Variants in ARHGEF4 observed in about 807,000 individuals in gnomAD.
The protein encoded by ARHGEF4 is Rho guanine nucleotide exchange factor 4, also known as APC-stimulated guanine nucleotide exchange factor 1.
A neutral mutation model predicts 162.0 loss-of-function variants in ARHGEF4; 119 were observed. That is an observed-to-expected ratio of 0.73 (90% CI 0.63 to 0.86). ARHGEF4 has a LOEUF of 0.86. Ranked by LOEUF, ARHGEF4 falls within the 40% of genes least tolerant of loss-of-function variation. The pLI, the probability that ARHGEF4 is intolerant of heterozygous loss-of-function variation, is 0.00. For missense variants in ARHGEF4, 2,488 were observed against 2,456.0 expected, an observed-to-expected ratio of 1.01 and a Z score of -0.28; for synonymous variants, 1,014 against 979.9, an observed-to-expected ratio of 1.03 and a Z score of -0.65.
intron 2 of ARHGEF4, among the ~76,000 whole-genome samples, chr2:130,926,901 A>G (rs1574245196): frequency 7.9e-6 from 1 of 126,836 alleles, no homozygotes; most frequent in African/African-American, 3.0e-5. Context: ...ACAGGCTTGG[A>G]ATATTTCTGT....
intron 4 of ARHGEF4, among the ~76,000 whole-genome samples, chr2:131,001,324 A>C (rs1687750646): frequency 6.6e-6 from 1 of 151,494 alleles, no homozygotes. Context: ...AAAAAAAAAA[A>C]AAAACAGAAA....
intron 4 of ARHGEF4, among the ~76,000 whole-genome samples, chr2:131,024,338 C>T (rs1358396187): frequency 1.3e-5 from 2 of 152,150 alleles, no homozygotes; most frequent in African/African-American, 2.4e-5. Context: ...TGCAGTGGAG[C>T]GATCTCAGCT....
At chr2:130,881,026 TA>T (rs1679153693) in intron 1 of ARHGEF4, among the ~76,000 whole-genome samples, 1 of 151,666 alleles carries the variant, frequency 6.6e-6, no homozygotes, top group African/African-American at 2.4e-5. Context: ...AATGAAACAT[TA>T]TTTTTGTTGT....
intron 4 of ARHGEF4, among the ~76,000 whole-genome samples, chr2:130,982,557 GCCTCCTCCTCCTCCCCCTTCTCCTCCC>G (rs1411435616): frequency 2.0e-5 from 3 of 147,564 alleles, no homozygotes; most frequent in African/African-American, 7.5e-5. Context: ...TTCTTTTTTC[GCCTCCTCCTCCTCCCCCTTCTCCTCCC>G]CCTCCTCCTC....
At chr2:130,988,901 T>TATATAGAGAGAGAG (rs1469212068) in intron 4 of ARHGEF4, among the ~76,000 whole-genome samples, 17 of 113,380 alleles carry the variant, frequency 1.5e-4, no homozygotes, top group East Asian at 1.4e-3. Flanking sequence ...TATATATATA[T>TATATAGAGAGAGAG]AGAGAGAGAG....
At chr2:130,987,015 A>AT (rs1686555989) in intron 4 of ARHGEF4, among the ~76,000 whole-genome samples, 1 of 152,174 alleles carries the variant, frequency 6.6e-6, no homozygotes, top group Non-Finnish European at 1.5e-5. Flanking sequence ...TCTTCTGTGC[A>AT]TCCCCCCGTG....
At chr2:131,036,998 A>G (rs1368298573) in intron 5 of ARHGEF4, among the ~76,000 whole-genome samples, 1 of 152,136 alleles carries the variant, frequency 6.6e-6, no homozygotes, top group Non-Finnish European at 1.5e-5. Context: ...GAGTGGCAGC[A>G]GCAGCTCATG....
At chr2:131,045,553 G>A in intron 13 of ARHGEF4, 107 bp downstream of exon 13, 3 of 1,610,170 alleles carry the variant, frequency 1.9e-6, no homozygotes, top group Non-Finnish European at 1.7e-6. Flanking sequence ...CAGGCCTGAG[G>A]GGGGCCCACT....
At chr2:130,936,879 CTT>C (rs1212645960) in intron 3 of ARHGEF4, among the ~76,000 whole-genome samples, 9 of 127,988 alleles carry the variant, frequency 7.0e-5, no homozygotes, top group African/African-American at 2.4e-4. Context: ...CATTTTCTCT[CTT>C]TCTTTCTTTT....
At chr2:130,973,525 T>C (rs1685497343) in intron 4 of ARHGEF4, among the ~76,000 whole-genome samples, 6 of 152,164 alleles carry the variant, frequency 3.9e-5, no homozygotes, top group Admixed American at 3.9e-4. Context: ...AATGAAATTA[T>C]GACTGCTGGC....
Position 130,914,091 on chromosome 2 carries a change from G to A in ARHGEF4, c.145G>A (p.Asp49Asn), listed in dbSNP as rs1681352163. Reference protein sequence around the residue: ...QVEQGWNQQTDRDDSETLSQQ... With the variant: ...QVEQGWNQQTNRDDSETLSQQ... ...GGAGCAGGGATGGAACCAGCAAACA[G>A]ACCGCGATGATTCTGAAACGCTGTC... The change falls in exon 2 of 14, where the codon GAC becomes AAC. Residue 49 changes from aspartate (D) to asparagine (N), a missense_variant. Physicochemically the swap from Asp to Asn is conservative, Grantham distance 23. Coordinates refer to ENST00000409359, the MANE Select transcript of ARHGEF4 (RefSeq NM_001367493.1). 4 of 1,536,128 alleles carry A rather than the reference G, an allele frequency of 2.6e-6. No homozygotes were observed. The East Asian group carries it at 9.8e-5, about 38-fold the overall frequency.
intron 1 of ARHGEF4, among the ~76,000 whole-genome samples, chr2:130,907,332 A>C (rs1680884890): frequency 6.9e-6 from 1 of 145,530 alleles, no homozygotes; most frequent in Admixed American, 7.2e-5. Context: ...CTCCTGCCTC[A>C]GCCTCCTGAG....
At chr2:131,035,544 C>T (rs1354244529) in intron 5 of ARHGEF4, 3 of 568,784 alleles carry the variant, frequency 5.3e-6, no homozygotes, top group African/African-American at 4.0e-5. Flanking sequence ...ACCGAGGATG[C>T]GGATTCAGCT....
At chr2:130,960,871 T>C (rs1684585165) in intron 4 of ARHGEF4, among the ~76,000 whole-genome samples, 2 of 152,132 alleles carry the variant, frequency 1.3e-5, no homozygotes, top group South Asian at 4.1e-4. Context: ...GGGGACACTC[T>C]ACCCTTACCC....
At chr2:131,023,236 C>T (rs896099273) in intron 4 of ARHGEF4, among the ~76,000 whole-genome samples, 1 of 151,942 alleles carries the variant, frequency 6.6e-6, no homozygotes, top group Non-Finnish European at 1.5e-5. Context: ...CATGACTAGC[C>T]TGGGCAACAT....
chr2:130,839,350 A>G (rs1680444148), intron 1 of ARHGEF4, among the ~76,000 whole-genome samples: 1 of 152,188 alleles, frequency 6.6e-6, no homozygotes, highest in Non-Finnish European at 1.5e-5. Context: ...GGACTGGGCC[A>G]GAAAAGGCCA....
Position 131,041,935 on chromosome 2 carries a change from G to C in ARHGEF4, c.5016G>C (p.Glu1672Asp). Reference protein sequence around the residue: ...DKIAQWQSSIEDWEGEDLLVR... With the variant: ...DKIAQWQSSIDDWEGEDLLVR... Reference sequence around the variant, plus strand: ...TTGCTCAGTGGCAGAGCTCCATAGAGGACTGGGAGGTGAGGGCCTGGGGGC... The same window carrying C: ...TTGCTCAGTGGCAGAGCTCCATAGACGACTGGGAGGTGAGGGCCTGGGGGC... Residue 1672 changes from glutamate to aspartate, a missense_variant, in exon 10 of 14, where the codon GAG (glutamate) becomes GAC (aspartate). This residue lies in a region of ARHGEF4 where 415 missense variants were observed against 512.4 expected (regional missense o/e 0.81). Coordinates refer to ENST00000409359, the MANE Select transcript of ARHGEF4 (RefSeq NM_001367493.1). 6.2e-7 allele frequency: 1 copy of C among 1,613,202 alleles called. No individual in the cohort carries two copies. Among genetic ancestry groups the C allele is most frequent in the Non-Finnish European group, 8.5e-7 (1 of 1,179,822 alleles).
intron 1 of ARHGEF4, among the ~76,000 whole-genome samples, chr2:130,864,409 A>G (rs1682118543): frequency 6.6e-6 from 1 of 151,852 alleles, no homozygotes. Context: ...GTTGAAGGGG[A>G]GTGGGGAGTG....
chr2:131,040,745 G>GT (rs1690745876), intron 8 of ARHGEF4, among the ~76,000 whole-genome samples: 1 of 152,218 alleles, frequency 6.6e-6, no homozygotes, highest in Middle Eastern at 3.2e-3. Context: ...GCTGTTCAGA[G>GT]TGAGCTCTGG....
Sources: allele counts gnomAD v4.1 joint callset (sites outside exome capture counted in the v4.1 genomes callset), GRCh38; gene constraint gnomAD v4.1.1; regional missense constraint gnomAD v4.1.1; transcripts MANE v1.5; gene names NCBI Gene and HGNC (gene_info 2026-07-23, HGNC 2026-07-21).